The following WWOX variants were observed in gnomAD, a reference collection of about 807,000 sequenced individuals.
WWOX encodes the protein WW domain-containing oxidoreductase.
In WWOX, 69 loss-of-function variants were observed where a neutral mutation model predicts 46.2. That is an observed-to-expected ratio of 1.49 (90% CI 1.23 to 1.82). The LOEUF (loss-of-function observed/expected upper bound fraction) is 1.82, where lower values mean the gene tolerates loss of function less well. WWOX is among the 40% of genes most tolerant of loss of function. The pLI, the probability that WWOX is intolerant of heterozygous loss-of-function variation, is 0.00. For missense variants in WWOX, 919 were observed against 542.6 expected (o/e 1.69, Z -6.89); for synonymous variants, 359 against 202.6 (o/e 1.77, Z -6.56).
intron 4 of WWOX, among the ~76,000 whole-genome samples, chr16:78,149,090 C>G (rs548951405): frequency 1.3e-4 from 20 of 151,970 alleles, no homozygotes; most frequent in Non-Finnish European, 2.5e-4. Context: ...TTCCTAAGCT[C>G]AAGTGATCCT....
At chr16:78,996,753 C>G (rs2046998087) in intron 8 of WWOX, among the ~76,000 whole-genome samples, 1 of 152,146 alleles carries the variant, frequency 6.6e-6, no homozygotes, top group Non-Finnish European at 1.5e-5. Flanking sequence ...GCAATTCTCC[C>G]AACTGTTCCC....
chr16:79,046,400 A>G (rs897036583), intron 8 of WWOX, among the ~76,000 whole-genome samples: 4 of 152,168 alleles, frequency 2.6e-5, no homozygotes, highest in East Asian at 3.8e-4. Context: ...TGCTGTGACA[A>G]AAGTATCACA....
intron 8 of WWOX, among the ~76,000 whole-genome samples, chr16:78,830,222 A>G (rs1240100893): frequency 6.6e-6 from 1 of 152,244 alleles, no homozygotes; most frequent in South Asian, 2.1e-4. Context: ...CAGTGTTAAC[A>G]TTCTAGTAAT....
At chr16:78,627,092 T>A (rs1475463044) in intron 8 of WWOX, among the ~76,000 whole-genome samples, 1 of 152,172 alleles carries the variant, frequency 6.6e-6, no homozygotes, top group Non-Finnish European at 1.5e-5. Flanking sequence ...ATTTCTGGAA[T>A]CTCAGCCATA....
chr16:78,848,186 C>A (rs2052349010), intron 8 of WWOX, among the ~76,000 whole-genome samples: 1 of 152,116 alleles, frequency 6.6e-6, no homozygotes, highest in East Asian at 1.9e-4. Flanking sequence ...GGTTTAATAT[C>A]CAGCAAATGC....
rs1021831823 is a variant in WWOX at position 78,920,989 on chromosome 16, C to T, written c.1057-290619C>T. Among the ~76,000 whole-genome samples the T allele has an allele frequency of 3.9e-5, 6 of 152,072 alleles. No homozygotes were observed. In the East Asian group the frequency reaches 5.8e-4, roughly 15 times the overall value. On this transcript the variant is annotated intron_variant, in intron 8 of 8. Coordinates refer to ENST00000566780, the MANE Select transcript of WWOX (RefSeq NM_016373.4). ...TACCAGCAGCAAGGTAGGACAAAAC[C>T]AGCTCCCACACTGGCTGTTTGCTTG... is the stretch of plus-strand genomic sequence containing the variant.
chr16:79,176,607 A>T (rs2050805284), intron 8 of WWOX, among the ~76,000 whole-genome samples: 1 of 152,156 alleles, frequency 6.6e-6, no homozygotes, highest in African/African-American at 2.4e-5. Flanking sequence ...GAGAAAGTTA[A>T]ACTGATGTCT....
intron 8 of WWOX, among the ~76,000 whole-genome samples, chr16:78,828,557 A>G (rs2051725184): frequency 6.6e-6 from 1 of 151,632 alleles, no homozygotes; most frequent in Non-Finnish European, 1.5e-5. Flanking sequence ...TTTAATTTAT[A>G]ACTATATCAT....
intron 8 of WWOX, among the ~76,000 whole-genome samples, chr16:78,681,920 G>C (rs1238753515): frequency 1.3e-5 from 2 of 152,150 alleles, no homozygotes; most frequent in African/African-American, 4.8e-5. Flanking sequence ...CTCTAGTTCT[G>C]GGTTGGGGCC....
At chr16:79,062,018 C>G (rs2048365472) in intron 8 of WWOX, among the ~76,000 whole-genome samples, 1 of 152,138 alleles carries the variant, frequency 6.6e-6, no homozygotes, top group South Asian at 2.1e-4. Context: ...TCATTTTCTT[C>G]AAGGGAGAGT....
chr16:78,309,627 C>G (rs555899347), intron 5 of WWOX, among the ~76,000 whole-genome samples: 1 of 152,318 alleles, frequency 6.6e-6, no homozygotes, highest in South Asian at 2.1e-4. Context: ...CCCAGGACCC[C>G]TTGAGACTGT....
chr16:78,507,141 A>G (rs1343231027), intron 8 of WWOX, among the ~76,000 whole-genome samples: 1 of 152,214 alleles, frequency 6.6e-6, no homozygotes, highest in Non-Finnish European at 1.5e-5. Flanking sequence ...CATTCAACCA[A>G]CAGAGAACAA....
intron 8 of WWOX, among the ~76,000 whole-genome samples, chr16:79,006,057 C>G (rs1417689973): frequency 6.6e-6 from 1 of 152,140 alleles, no homozygotes; most frequent in Non-Finnish European, 1.5e-5. Context: ...GCTGAGTGAA[C>G]CCATATCAAC....
intron 8 of WWOX, among the ~76,000 whole-genome samples, chr16:78,826,658 A>G (rs1056249266): frequency 2.6e-5 from 4 of 152,184 alleles, no homozygotes; most frequent in African/African-American, 9.7e-5. Flanking sequence ...AAGATCCGTA[A>G]CTTAATTACA....
At chr16:78,398,899 T>C (rs1298019213) in intron 6 of WWOX, among the ~76,000 whole-genome samples, 1 of 152,248 alleles carries the variant, frequency 6.6e-6, no homozygotes, top group African/African-American at 2.4e-5. Flanking sequence ...GTCTTTATCA[T>C]CCTTTGCAAT....
At chr16:78,225,032 G>T (rs2151801267) in intron 5 of WWOX, among the ~76,000 whole-genome samples, 1 of 152,220 alleles carries the variant, frequency 6.6e-6, no homozygotes, top group East Asian at 1.9e-4. Context: ...TATATCACAG[G>T]TACAGTCACA....
At chr16:79,134,244 G>T (rs892716786) in intron 8 of WWOX, among the ~76,000 whole-genome samples, 2 of 152,082 alleles carry the variant, frequency 1.3e-5, no homozygotes, top group South Asian at 2.1e-4. Flanking sequence ...AACTGCTGAG[G>T]GCAGTACATG....
chr16:78,293,007 G>A (rs1474097025), intron 5 of WWOX, among the ~76,000 whole-genome samples: 4 of 152,096 alleles, frequency 2.6e-5, no homozygotes, highest in East Asian at 1.9e-4. Flanking sequence ...ATTTCTTGTT[G>A]GTCCTTTGCT....
At chr16:78,859,222 C>G (rs2052659719) in intron 8 of WWOX, among the ~76,000 whole-genome samples, 1 of 151,460 alleles carries the variant, frequency 6.6e-6, no homozygotes, top group East Asian at 2.0e-4. Context: ...CAACTGATTT[C>G]AACTTTGTTT....
Sources: allele counts gnomAD v4.1 joint callset (sites outside exome capture counted in the v4.1 genomes callset), GRCh38; gene constraint gnomAD v4.1.1; transcripts MANE v1.5; gene names NCBI Gene and HGNC (gene_info 2026-07-23, HGNC 2026-07-21).